SENP6: variants seen among roughly 807,000 people sequenced by gnomAD.
The protein encoded by SENP6 is SUMO specific peptidase 6.
In SENP6, 41 loss-of-function variants were observed where a neutral mutation model predicts 134.5. That is an observed-to-expected ratio of 0.30 (90% CI 0.24 to 0.40). SENP6 has a LOEUF of 0.40. SENP6 is among the 10% of genes least tolerant of loss of function. The probability of loss-of-function intolerance (pLI) is 1.00; values close to 1 mark genes in which losing one functional copy is unlikely to be tolerated. For synonymous variants in SENP6, 395 were observed against 429.8 expected, an observed-to-expected ratio of 0.92 and a Z score of 1.00; for missense variants, 1,248 against 1,312.5, an observed-to-expected ratio of 0.95 and a Z score of 0.76.
At chr6:75,638,586 GTGTGTATATATA>G (rs1239958151) in intron 5 of SENP6, among the ~76,000 whole-genome samples, 29 of 29,418 alleles carry the variant, frequency 9.9e-4, no homozygotes, top group African/African-American at 3.2e-3. Flanking sequence ...GTGTGTGTGT[GTGTGTATATATA>G]TATATATATA....
At chr6:75,714,990 T>C in intron 23 of SENP6, among the ~76,000 whole-genome samples, 1 of 152,212 alleles carries the variant, frequency 6.6e-6, no homozygotes, top group East Asian at 1.9e-4. Flanking sequence ...AAACTGGAGC[T>C]GGCAAACTTG....
chr6:75,604,100 A>G (rs1766840629), intron 1 of SENP6, among the ~76,000 whole-genome samples: 1 of 152,216 alleles, frequency 6.6e-6, no homozygotes, highest in African/African-American at 2.4e-5. Context: ...GTGCTATCCT[A>G]GATTTCCAGC....
At chr6:75,703,131 T>TA in intron 19 of SENP6, 59 bp downstream of exon 19, 1 of 1,325,448 alleles carries the variant, frequency 7.5e-7, no homozygotes, top group Non-Finnish European at 1.0e-6. Flanking sequence ...GATTTTTTAA[T>TA]AAACAGGATT....
At position 75,621,621 on chromosome 6, in the gene SENP6, A is replaced by C. The variant is rs761102583; in HGVS notation, c.142A>C (p.Lys48Gln). 1.9e-6 allele frequency: 3 copies of C among 1,584,176 alleles called. No individual in the cohort carries two copies. In the East Asian group the frequency reaches 6.7e-5, roughly 36 times the overall value. Residue 48 changes from lysine to glutamine, a missense_variant, in exon 2 of 24, where the codon AAA becomes CAA. Lys to Gln is a moderately conservative substitution (Grantham distance 53). Coordinates refer to ENST00000447266, the MANE Select transcript of SENP6 (RefSeq NM_015571.4). ...AGAAGAAAGTGAAGGAGATACAGATAAAGAGTAAGGATTTTTTTTTCCCTC... is the reference window on the plus strand; with the variant it reads ...AGAAGAAAGTGAAGGAGATACAGATCAAGAGTAAGGATTTTTTTTTCCCTC... ...HEEESEGDTD[K>Q]DGTNLLSVDE...
chr6:75,642,657 T>C, intron 6 of SENP6, among the ~76,000 whole-genome samples: 1 of 152,226 alleles, frequency 6.6e-6, no homozygotes, highest in East Asian at 1.9e-4. Context: ...ATTTGGATTT[T>C]ATATTAGTGC....
Position 75,678,674 on chromosome 6 carries a change from T to G in SENP6, c.1940T>G (p.Phe647Cys), listed in dbSNP as rs745508903. 2 of 1,590,624 alleles carry G rather than the reference T, an allele frequency of 1.3e-6. No homozygotes were observed. Among genetic ancestry groups the G allele is most frequent in the Non-Finnish European group, 1.7e-6 (2 of 1,162,490 alleles). The change falls in exon 15 of 24, where the codon TTC becomes TGC. Residue 647 changes from phenylalanine to cysteine, a missense_variant. Transcript: ENST00000447266. ...EEETGENHTI[F>C]IGPVEKLIVY... is the part of the protein sequence containing the mutation. Reference sequence around the variant, plus strand: ...GAAACTGGAGAAAACCACACCATCTTCATTGGCCCAGTAGAAAAGTGAGAG... The same window carrying G: ...GAAACTGGAGAAAACCACACCATCTGCATTGGCCCAGTAGAAAAGTGAGAG...
intron 11 of SENP6, among the ~76,000 whole-genome samples, chr6:75,672,080 G>A (rs1772724429): frequency 6.6e-6 from 1 of 152,162 alleles, no homozygotes; most frequent in African/African-American, 2.4e-5. Context: ...TGTTTTTAGG[G>A]ATTTATGAAA....
chr6:75,691,139 T>C (rs1172445150), intron 16 of SENP6, among the ~76,000 whole-genome samples: 3 of 146,328 alleles, frequency 2.1e-5, no homozygotes, highest in Non-Finnish European at 3.0e-5. Flanking sequence ...CATTCCCAGC[T>C]AAAATTTTTT....
At chr6:75,662,169 T>C (rs1771830155) in intron 8 of SENP6, among the ~76,000 whole-genome samples, 1 of 152,206 alleles carries the variant, frequency 6.6e-6, no homozygotes, top group Admixed American at 6.5e-5. Flanking sequence ...TAAGTGCAGT[T>C]GGTTATTTAT....
intron 16 of SENP6, among the ~76,000 whole-genome samples, chr6:75,691,961 A>G (rs1315172927): frequency 2.0e-5 from 3 of 151,934 alleles, no homozygotes; most frequent in Non-Finnish European, 2.9e-5. Context: ...GGTTCAAGCT[A>G]TTCTCCTGCC....
chr6:75,675,818 C>A, intron 12 of SENP6, 42 bp from the exon 13 acceptor site: 1 of 1,501,076 alleles, frequency 6.7e-7, no homozygotes, highest in East Asian at 2.3e-5. Flanking sequence ...ATGATATTAC[C>A]CTCTTAAGAA....
intron 16 of SENP6, among the ~76,000 whole-genome samples, chr6:75,682,436 A>G (rs1033073225): frequency 4.6e-5 from 7 of 151,710 alleles, no homozygotes; most frequent in Admixed American, 3.3e-4. Context: ...TTTAAGATCT[A>G]TGGTACATGT....
chr6:75,705,925 CTTTTTTTTTTTTTTTTTT>C (rs71544062), intron 19 of SENP6, among the ~76,000 whole-genome samples: 6 of 47,942 alleles, frequency 1.3e-4, no homozygotes, highest in Non-Finnish European at 1.7e-4. Context: ...ATTTTTGAGC[CTTTTTTTTTTTTTTTTTT>C]TTTTTTTTTT....
intron 5 of SENP6, among the ~76,000 whole-genome samples, chr6:75,638,250 T>TC (rs1769681762): frequency 6.6e-6 from 1 of 151,026 alleles, no homozygotes; most frequent in Non-Finnish European, 1.5e-5. Flanking sequence ...TTGTTTTTTT[T>TC]TTTTTTAATT....
chr6:75,622,794 A>G (rs1443447199), intron 2 of SENP6: 4 of 1,289,026 alleles, frequency 3.1e-6, no homozygotes, highest in Non-Finnish European at 4.0e-6. Context: ...CATCATTACC[A>G]CTTTATGTGC....
chr6:75,704,802 G>C (rs1446525511), intron 19 of SENP6, among the ~76,000 whole-genome samples: 1 of 152,196 alleles, frequency 6.6e-6, no homozygotes, highest in African/African-American at 2.4e-5. Flanking sequence ...TGTGCCCCTG[G>C]TTTATCGAGA....
At chr6:75,648,942 T>G (rs1770655400) in intron 7 of SENP6, among the ~76,000 whole-genome samples, 1 of 152,200 alleles carries the variant, frequency 6.6e-6, no homozygotes, top group South Asian at 2.1e-4. Context: ...ATTACTATAT[T>G]CTTGCTCTGT....
intron 3 of SENP6, among the ~76,000 whole-genome samples, chr6:75,633,074 C>T (rs982601689): frequency 6.6e-6 from 1 of 152,110 alleles, no homozygotes; most frequent in Non-Finnish European, 1.5e-5. Context: ...ATACTGTGAT[C>T]TCTCTAAAGT....
rs1214166642 is a variant in SENP6, at chr6:75,663,182, C to T, written c.697-39C>T. The T allele has an allele frequency of 2.5e-6, 4 of 1,569,988 alleles. No homozygotes were observed. In the East Asian group the frequency reaches 9.0e-5, roughly 35 times the overall value. On this transcript the variant is annotated intron_variant, in intron 8 of 23. Coordinates refer to ENST00000447266, the MANE Select transcript of SENP6 (RefSeq NM_015571.4). ...AAAATGTGGAAAGGAAAAAGAAAAT[C>T]AGACCAAATGCCAAAGTTGTGGTGT...
Sources: allele counts gnomAD v4.1 joint callset (sites outside exome capture counted in the v4.1 genomes callset), GRCh38; gene constraint gnomAD v4.1.1; transcripts MANE v1.5; gene names NCBI Gene and HGNC (gene_info 2026-07-23, HGNC 2026-07-21).